The following FHL5 variants were observed in gnomAD, a reference collection of about 807,000 sequenced individuals.
FHL5 encodes the protein four and a half LIM domains protein 5.
In FHL5, 33 loss-of-function variants were observed where a neutral mutation model predicts 32.0. The observed-to-expected ratio is 1.03, with a 90% CI of 0.78 to 1.38. FHL5 has a LOEUF of 1.38. FHL5 is among the 40% of genes most tolerant of loss of function. FHL5 has a pLI of 0.00. For synonymous variants in FHL5, 114 were observed against 113.6 expected (o/e 1.00, Z -0.02); for missense variants, 336 against 343.9 (o/e 0.98, Z 0.18).
rs1020970490 is a variant in FHL5 at position 96,616,467 on chromosome 6, A to G, written c.*695A>G. On this transcript the variant is annotated 3_prime_UTR_variant, in exon 6 of 6. Transcript: ENST00000450218. ...ATCATTTCTACCTAGGGATAGCCAA[A>G]GCATGGGTTTCAACACGTTTTGTAT... The G allele has an allele frequency of 6.6e-6, 1 of 152,218 alleles. No individual in the cohort carries two copies. The highest frequency in any genetic ancestry group is 2.4e-5 in the African/African-American group (1 of 41,454). The allele number at this position is 152,218 out of a possible 1,614,324, so 9.4% of individuals were successfully genotyped here.
rs746596116 is a variant in FHL5, at chr6:96,604,750, G to A, written c.160G>A (p.Asp54Asn). ...TTAACTTTTATTTACTGTCTCAAAG[G>A]ATCTTTGTTACAAAGACCGGCACTG... Reference protein sequence around the residue: ...CKKPIESDSKDLCYKDRHWHE... With the variant: ...CKKPIESDSKNLCYKDRHWHE... The change falls in exon 3 of 6, where the codon GAT becomes AAT. Residue 54 changes from aspartate (D) to asparagine (N), a missense_variant and splice_region_variant. Coordinates refer to ENST00000450218, the MANE Select transcript of FHL5 (RefSeq NM_001322466.2). 3.1e-6 allele frequency: 5 copies of A among 1,604,282 alleles called. No homozygotes were observed. In the East Asian group the frequency reaches 1.1e-4, roughly 36 times the overall value.
intron 1 of FHL5, among the ~76,000 whole-genome samples, chr6:96,599,938 G>A (rs1183517165): frequency 3.9e-5 from 6 of 152,098 alleles, no homozygotes; most frequent in East Asian, 1.9e-4. Context: ...CCTCAGGTGC[G>A]GATTCCTGAG....
At chr6:96,594,825 CTTA>C (rs1447405580) in intron 1 of FHL5, among the ~76,000 whole-genome samples, 3 of 151,864 alleles carry the variant, frequency 2.0e-5, no homozygotes, top group Non-Finnish European at 2.9e-5. Flanking sequence ...AATCTAATGA[CTTA>C]TTATTAAAAT....
intron 1 of FHL5, among the ~76,000 whole-genome samples, chr6:96,573,218 A>G (rs1770517167): frequency 6.6e-6 from 1 of 152,178 alleles, no homozygotes; most frequent in African/African-American, 2.4e-5. Context: ...GAAACTCTCT[A>G]TTGTGCTAAT....
At chr6:96,609,759 A>G (rs765094372) in intron 4 of FHL5, among the ~76,000 whole-genome samples, 26 of 152,220 alleles carry the variant, frequency 1.7e-4, no homozygotes, top group Non-Finnish European at 2.4e-4. Flanking sequence ...TTGACTCAGT[A>G]TGGCACTGAT....
At chr6:96,579,503 A>G (rs1361916605) in intron 1 of FHL5, among the ~76,000 whole-genome samples, 1 of 152,202 alleles carries the variant, frequency 6.6e-6, no homozygotes, top group Non-Finnish European at 1.5e-5. Context: ...AGATAGTACA[A>G]CAGATAGTAC....
At chr6:96,575,259 C>T (rs1770560424) in intron 1 of FHL5, among the ~76,000 whole-genome samples, 1 of 152,174 alleles carries the variant, frequency 6.6e-6, no homozygotes, top group African/African-American at 2.4e-5. Flanking sequence ...TTTATTGTAA[C>T]ATTTGTTTAG....
At chr6:96,611,066 A>G (rs1383554212) in intron 5 of FHL5, among the ~76,000 whole-genome samples, 1 of 152,226 alleles carries the variant, frequency 6.6e-6, no homozygotes, top group Non-Finnish European at 1.5e-5. Context: ...GCAGGCCTTC[A>G]CGAGGAGATC....
chr6:96,617,609 C>A lies in FHL5; in HGVS notation c.*1837C>A, dbSNP rs1346665615. Among the ~76,000 whole-genome samples, 1 of 152,088 alleles carries A rather than the reference C, an allele frequency of 6.6e-6. No homozygotes were observed. The highest frequency in any genetic ancestry group is 1.9e-4 in the East Asian group (1 of 5,198). ...TGAAATTTCACAGGTAGAACTAAAT[C>A]TATGATATAGAAAATAATAGCACAT... On this transcript the variant is annotated 3_prime_UTR_variant, in exon 6 of 6. Transcript: ENST00000450218.
At chr6:96,569,827 C>G (rs1313399349) in intron 1 of FHL5, among the ~76,000 whole-genome samples, 3 of 110,952 alleles carry the variant, frequency 2.7e-5, no homozygotes, top group African/African-American at 9.0e-5. Context: ...ATACTTAGGT[C>G]TTTTTTTTTT....
At chr6:96,582,432 A>T (rs892180635) in intron 1 of FHL5, among the ~76,000 whole-genome samples, 1 of 152,134 alleles carries the variant, frequency 6.6e-6, no homozygotes, top group African/African-American at 2.4e-5. Context: ...TTGATAAAAT[A>T]TTGTTATATG....
chr6:96,615,272 C>A (rs1351855442), intron 5 of FHL5, among the ~76,000 whole-genome samples: 1 of 152,162 alleles, frequency 6.6e-6, no homozygotes, highest in Non-Finnish European at 1.5e-5. Flanking sequence ...ACAACCTATA[C>A]CTTCTTTCCA....
rs147021516 is a variant in FHL5, at chr6:96,579,617, A to T, written c.-13+16262A>T. ...TGCCATGTACCATGTGTGTATTTTG[A>T]TATTGTCATAATGCCTAATACAATG... On this transcript the variant is annotated intron_variant, in intron 1 of 5. Coordinates refer to ENST00000450218, the MANE Select transcript of FHL5 (RefSeq NM_001322466.2). 2.0e-5 allele frequency among the ~76,000 whole-genome samples: 3 copies of T among 152,286 alleles called. No individual in the cohort carries two copies. The East Asian group carries it at 5.8e-4, about 29-fold the overall frequency.
At chr6:96,603,967 C>T (rs374472104) in intron 2 of FHL5, among the ~76,000 whole-genome samples, 195 bp downstream of exon 2, 4 of 152,306 alleles carry the variant, frequency 2.6e-5, no homozygotes, top group African/African-American at 9.6e-5. Context: ...GCTTAATCCT[C>T]ACATGATCTT....
intron 1 of FHL5, among the ~76,000 whole-genome samples, chr6:96,566,345 A>T (rs1449809759): frequency 1.3e-5 from 2 of 152,000 alleles, no homozygotes; most frequent in Non-Finnish European, 2.9e-5. Flanking sequence ...TCTTTTTTAC[A>T]ACTAAATAAT....
chr6:96,592,358 C>T (rs764210823), intron 1 of FHL5, among the ~76,000 whole-genome samples: 12 of 152,274 alleles, frequency 7.9e-5, no homozygotes, highest in East Asian at 3.9e-4. Context: ...AAGAGAAATA[C>T]GGCTCTGTTC....
chr6:96,601,073 C>T (rs1358891458), intron 1 of FHL5, among the ~76,000 whole-genome samples: 1 of 152,058 alleles, frequency 6.6e-6, no homozygotes, highest in Non-Finnish European at 1.5e-5. Flanking sequence ...CGGTGGCTCA[C>T]GCCTGTAATC....
chr6:96,569,963 T>G (rs963963601), intron 1 of FHL5, among the ~76,000 whole-genome samples: 1 of 151,962 alleles, frequency 6.6e-6, no homozygotes, highest in Non-Finnish European at 1.5e-5. Context: ...CTTGTATATC[T>G]TTTGTTCCTT....
chr6:96,580,415 T>G (rs1483370368), intron 1 of FHL5, among the ~76,000 whole-genome samples: 1 of 152,156 alleles, frequency 6.6e-6, no homozygotes, highest in African/African-American at 2.4e-5. Flanking sequence ...AACATTTATA[T>G]GAGAAGGTAG....
Sources: allele counts gnomAD v4.1 joint callset (sites outside exome capture counted in the v4.1 genomes callset), GRCh38; gene constraint gnomAD v4.1.1; transcripts MANE v1.5; gene names NCBI Gene and HGNC (gene_info 2026-07-23, HGNC 2026-07-21).